The following ATP8B4 variants were observed in gnomAD, a reference collection of about 807,000 sequenced individuals.
ATP8B4 encodes probable phospholipid-transporting ATPase IM.
A neutral mutation model predicts 145.6 loss-of-function variants in ATP8B4; 133 were observed. The observed-to-expected ratio is 0.91, with a 90% CI of 0.79 to 1.05. ATP8B4 has a LOEUF of 1.05. Among genes scored for constraint, ATP8B4 ranks in the 50% least tolerant of loss-of-function variants. ATP8B4 has a pLI of 0.00. For missense variants in ATP8B4, 1,458 were observed against 1,425.2 expected (o/e 1.02, Z -0.37); for synonymous variants, 507 against 492.9 (o/e 1.03, Z -0.38).
chr15:50,107,117 A>G lies in ATP8B4; in HGVS notation c.-42-109T>C, dbSNP rs960271014. On this transcript the variant is annotated intron_variant, in intron 1 of 27. Coordinates refer to ENST00000284509, the MANE Select transcript of ATP8B4 (RefSeq NM_024837.4). ...AATCTAGGTAATTAGGAAGTCACTG[A>G]CACAGGAAAGAACAACAGATTTAAT... The G allele has an allele frequency of 5.1e-5, 31 of 605,184 alleles. No individual in the cohort carries two copies. In the African/African-American group the frequency reaches 5.8e-4, roughly 11 times the overall value. The allele number at this position is 605,184 out of a possible 1,614,324, so 37.5% of individuals were successfully genotyped here.
intron 1 of ATP8B4, among the ~76,000 whole-genome samples, chr15:50,152,123 T>C (rs551573535): frequency 1.3e-5 from 2 of 152,310 alleles, no homozygotes; most frequent in East Asian, 3.9e-4. Context: ...AAATTATATT[T>C]AGTTCATTAA....
At chr15:50,072,044 A>G (rs1382559999) in intron 3 of ATP8B4, among the ~76,000 whole-genome samples, 4 of 147,564 alleles carry the variant, frequency 2.7e-5, no homozygotes. Flanking sequence ...AAATATTAAT[A>G]TTAATTAATT....
chr15:50,156,117 TAA>T (rs1327949412), intron 1 of ATP8B4, among the ~76,000 whole-genome samples: 19 of 15,668 alleles, frequency 1.2e-3, no homozygotes, highest in South Asian at 9.1e-3. Context: ...AATATATATA[TAA>T]ATATATTTAT....
At chr15:50,162,441 A>G (rs1435735534) in intron 1 of ATP8B4, among the ~76,000 whole-genome samples, 1 of 152,046 alleles carries the variant, frequency 6.6e-6, no homozygotes, top group African/African-American at 2.4e-5. Context: ...CCTCTTTGAG[A>G]CCAATGACTC....
In ATP8B4 at chr15:50,074,143, T is replaced by A. The variant is rs758641123; in HGVS notation, c.71A>T (p.Glu24Val). The A allele has an allele frequency of 6.2e-7, 1 of 1,613,208 alleles. No individual in the cohort carries two copies. The highest frequency in any genetic ancestry group is 8.5e-7 in the Non-Finnish European group (1 of 1,179,388). ...IVKANDREYNEKFQYADNRIH... is the reference protein window; with the variant it reads ...IVKANDREYNVKFQYADNRIH... ...TTCACTTACCGCATACTGGAACTTT[T>A]CATTATATTCACGGTCATTGGCTTT... The change falls in exon 3 of 28, where the codon GAA becomes GTA. Residue 24 changes from glutamate to valine, a missense_variant. Physicochemically the swap from Glu to Val is moderately radical, Grantham distance 121. Coordinates refer to ENST00000284509, the MANE Select transcript of ATP8B4 (RefSeq NM_024837.4).
chr15:50,123,847 C>A (rs933544452), upstream of ATP8B4, among the ~76,000 whole-genome samples: 4 of 152,136 alleles, frequency 2.6e-5, no homozygotes, highest in Non-Finnish European at 5.9e-5. Context: ...GTCTTCTCCT[C>A]TCTCTAGGGC....
In ATP8B4 at chr15:49,876,215, C is replaced by T. The variant is rs1048194969; in HGVS notation, c.3027+63G>A. 4.7e-5 allele frequency: 73 copies of T among 1,556,302 alleles called. No homozygotes were observed. The Middle Eastern group carries it at 5.2e-4, about 11-fold the overall frequency. On this transcript the variant is annotated intron_variant, in intron 25 of 27. Transcript: ENST00000284509. Reference sequence around the variant, plus strand: ...CCCCCAACAAGTAGACAAAATCAATCAACAATGAAATAGTAAAAGTTGTAA... The same window carrying T: ...CCCCCAACAAGTAGACAAAATCAATTAACAATGAAATAGTAAAAGTTGTAA...
chr15:50,010,148 A>C (rs2048619437), intron 7 of ATP8B4, among the ~76,000 whole-genome samples: 1 of 152,246 alleles, frequency 6.6e-6, no homozygotes, highest in East Asian at 1.9e-4. Context: ...ATGTAATCTA[A>C]TATATATTTG....
chr15:50,115,875 G>A (rs2057146325), intron 1 of ATP8B4, among the ~76,000 whole-genome samples: 1 of 152,212 alleles, frequency 6.6e-6, no homozygotes, highest in South Asian at 2.1e-4. Flanking sequence ...TCAAGATCCT[G>A]TGGTTGCTCC....
At position 49,860,359 on chromosome 15, in the gene ATP8B4, A is replaced by G. The variant is rs777998911; in HGVS notation, c.3414T>C (p.Tyr1138=). Residue 1138 remains tyrosine (Y), a synonymous_variant, in exon 28 of 28, where the codon TAT becomes TAC. Transcript: ENST00000284509. ...TTTTTCCAGATGTGATAAGCTCTCC[A>G]TAGCCTTCTTGGTGAGCAAAAGCAT... ...SGYAFAHQEG[Y]GELITSGKNM... is the part of the protein sequence containing the mutation. The G allele has an allele frequency of 6.2e-7, 1 of 1,614,100 alleles. No homozygotes were observed. Among genetic ancestry groups the G allele is most frequent in the South Asian group, 1.1e-5 (1 of 91,068 alleles).
intron 1 of ATP8B4, among the ~76,000 whole-genome samples, chr15:50,156,376 C>T (rs550801229): frequency 1.2e-3 from 177 of 151,778 alleles, no homozygotes; most frequent in Non-Finnish European, 1.6e-3. Flanking sequence ...TGTTTCATCA[C>T]CTTAAGCAAT....
chr15:49,988,514 A>G (rs948707581), intron 9 of ATP8B4, among the ~76,000 whole-genome samples: 2 of 152,174 alleles, frequency 1.3e-5, no homozygotes, highest in Admixed American at 6.5e-5. Context: ...AGATCCAATC[A>G]GGGTTTGAGC....
At chr15:50,079,647 C>T (rs2054413840) in intron 2 of ATP8B4, among the ~76,000 whole-genome samples, 1 of 152,150 alleles carries the variant, frequency 6.6e-6, no homozygotes, top group African/African-American at 2.4e-5. Flanking sequence ...TTTGTAACAA[C>T]CCTAAGGATA....
At chr15:49,897,645 G>T in intron 22 of ATP8B4, 130 bp from the exon 23 acceptor site, 1 of 738,436 alleles carries the variant, frequency 1.4e-6, no homozygotes, top group Non-Finnish European at 2.0e-6. Flanking sequence ...TATATTATCT[G>T]ATGAAACACT....
intron 23 of ATP8B4, chr15:49,896,948 T>C (rs1435637017): frequency 4.6e-6 from 1 of 218,182 alleles, no homozygotes; most frequent in Non-Finnish European, 9.2e-6. Flanking sequence ...ACATTTCTTA[T>C]TAGTGATTTG....
rs117703401 is a variant in ATP8B4 at position 50,056,716 on chromosome 15, T to C, written c.88-9252A>G. ...ATGTATATGTGTATATATATATATA[T>C]ACACACACACACACACACACACCTA... is the stretch of plus-strand genomic sequence containing the variant. On this transcript the variant is annotated intron_variant, in intron 3 of 27. Coordinates refer to ENST00000284509, the MANE Select transcript of ATP8B4 (RefSeq NM_024837.4). Among the ~76,000 whole-genome samples the C allele has an allele frequency of 2.4e-3, 353 of 145,968 alleles. 1 individual carries two copies. The highest frequency in any genetic ancestry group is 5.2e-3 in the East Asian group (26 of 5,022).
intron 14 of ATP8B4, among the ~76,000 whole-genome samples, chr15:49,949,135 T>A (rs2042838999): frequency 6.6e-6 from 1 of 152,204 alleles, no homozygotes; most frequent in South Asian, 2.1e-4. Context: ...TGCTTAGGAT[T>A]GTCTTGGCTA....
At chr15:50,108,660 A>C (rs1365866278) in intron 1 of ATP8B4, among the ~76,000 whole-genome samples, 2 of 152,082 alleles carry the variant, frequency 1.3e-5, no homozygotes, top group African/African-American at 2.4e-5. Context: ...CATCTGTCCA[A>C]TGTCAACTCA....
At chr15:49,897,807 G>T (rs550109593) in intron 22 of ATP8B4, among the ~76,000 whole-genome samples, 1 of 152,166 alleles carries the variant, frequency 6.6e-6, no homozygotes, top group African/African-American at 2.4e-5. Context: ...CCTCTACACC[G>T]TAGCTACTTA....
Sources: gnomAD v4.1 joint callset for allele counts (sites outside exome capture counted in the v4.1 genomes callset) on GRCh38, gnomAD v4.1.1 for gene constraint, MANE v1.5 for transcripts, NCBI Gene and HGNC (gene_info 2026-07-23, HGNC 2026-07-21) for gene names.